Variants in TP73 observed in about 807,000 individuals in gnomAD.
The protein encoded by TP73 is tumor protein p73.
In TP73, 25 loss-of-function variants were observed where a neutral mutation model predicts 62.5. The ratio of observed to expected loss-of-function variants is 0.40; its 90% confidence interval spans 0.29 to 0.56. The LOEUF is 0.56. TP73 is among the 20% of genes least tolerant of loss of function. The pLI, the probability that TP73 is intolerant of heterozygous loss-of-function variation, is 0.46. For missense variants in TP73, 754 were observed against 913.3 expected (o/e 0.83, Z 2.25); for synonymous variants, 423 against 377.5 (o/e 1.12, Z -1.40).
intron 6 of TP73, among the ~76,000 whole-genome samples, chr1:3,726,579 G>GTGGA (rs541302550): frequency 1.4e-5 from 2 of 148,062 alleles, no homozygotes; most frequent in South Asian, 2.2e-4. Flanking sequence ...AAGTGGGGGA[G>GTGGA]TGGATGGATG....
At chr1:3,679,776 GTCTC>G (rs1273211663) in intron 1 of TP73, among the ~76,000 whole-genome samples, 3 of 139,316 alleles carry the variant, frequency 2.2e-5, no homozygotes, top group South Asian at 2.3e-4. Flanking sequence ...CTTTGTCCTT[GTCTC>G]TCTGTTTTGT....
intron 3 of TP73, among the ~76,000 whole-genome samples, chr1:3,688,718 G>A (rs1885871): frequency 0.027 from 4,087 of 152,278 alleles, 86 homozygotes; most frequent in East Asian, 0.067. Context: ...CAGTGGTTTT[G>A]GGTGCTTTTG....
chr1:3,663,473 T>C lies in TP73; in HGVS notation c.-34+10832T>C, dbSNP rs1247534770. On this transcript the variant is annotated intron_variant, in intron 1 of 13. Coordinates refer to ENST00000378295, the MANE Select transcript of TP73 (RefSeq NM_005427.4). The surrounding 1 kb of genome is among the most constrained non-coding windows in gnomAD (Gnocchi z 4.7). Reference sequence around the variant, plus strand: ...GCTCACGCCTGTAATCCCAGCACTTTGGGAGGCTGAGTCGGGCGGATCACT... The same window carrying C: ...GCTCACGCCTGTAATCCCAGCACTTCGGGAGGCTGAGTCGGGCGGATCACT... Among the ~76,000 whole-genome samples the C allele has an allele frequency of 6.6e-6, 1 of 151,946 alleles. No homozygotes were observed. Among genetic ancestry groups the C allele is most frequent in the Non-Finnish European group, 1.5e-5 (1 of 67,964 alleles).
At chr1:3,678,135 T>G (rs1364024076) in intron 1 of TP73, among the ~76,000 whole-genome samples, 1 of 152,268 alleles carries the variant, frequency 6.6e-6, no homozygotes, top group Non-Finnish European at 1.5e-5. Flanking sequence ...ATACACATGA[T>G]TTTTAAAACT....
intron 4 of TP73, 112 bp from the exon 5 acceptor site, chr1:3,721,909 G>C (rs1378282135): frequency 8.8e-7 from 1 of 1,132,814 alleles, no homozygotes; most frequent in East Asian, 2.6e-5. Context: ...TCTTCATCTG[G>C]GGGTTGTGGA....
chr1:3,734,457 C>T lies in TP73; in HGVS notation c.*1378C>T. ...TTGCAGGCAGGTGGGCCAATGGGAG[C>T]CCTCACCCACGCAAGCCGAGACACC... On this transcript the variant is annotated 3_prime_UTR_variant, in exon 14 of 14. Coordinates refer to ENST00000378295, the MANE Select transcript of TP73 (RefSeq NM_005427.4). The surrounding 1 kb of genome is among the most constrained non-coding windows in gnomAD (Gnocchi z 4.4). The T allele has an allele frequency of 6.6e-6, 1 of 152,326 alleles. No homozygotes were observed. Among genetic ancestry groups the T allele is most frequent in the Admixed American group, 6.5e-5 (1 of 15,294 alleles). 9.4% of individuals were successfully genotyped at this position (152,326 alleles called of 1,614,324 possible). A position where few individuals can be genotyped will look rare whatever the true frequency, so the allele number is the denominator to read the frequency against.
Position 3,699,069 on chromosome 1 carries a change from G to A in TP73, c.187-8480G>A, listed in dbSNP as rs1248941907. Among the ~76,000 whole-genome samples, 1 of 152,146 alleles carries A rather than the reference G, an allele frequency of 6.6e-6. No individual in the cohort carries two copies. Among genetic ancestry groups the A allele is most frequent in the Non-Finnish European group, 1.5e-5 (1 of 68,026 alleles). On this transcript the variant is annotated intron_variant, in intron 3 of 13. Transcript: ENST00000378295. This position sits in a 1 kb window ranked among gnomAD's most constrained non-coding sequence, Gnocchi z 4.1. ...GCTGTGGGTGAGAGCACAGGGTGCT[G>A]TGGGTGAGAGCAGAGGGTGCTGTGG...
At chr1:3,725,374 G>A (rs1641417311) in intron 6 of TP73, among the ~76,000 whole-genome samples, 1 of 149,904 alleles carries the variant, frequency 6.7e-6, no homozygotes, top group South Asian at 2.1e-4. Context: ...TGGGGTGAGT[G>A]GGTGGATGGG....
chr1:3,668,984 T>C (rs2102038760), intron 1 of TP73, among the ~76,000 whole-genome samples: 1 of 152,324 alleles, frequency 6.6e-6, no homozygotes, highest in Middle Eastern at 3.4e-3. Flanking sequence ...CTCCAGGCCA[T>C]GCTCCGCCCC....
At chr1:3,718,107 C>T (rs1304579641) in intron 4 of TP73, among the ~76,000 whole-genome samples, 1 of 152,172 alleles carries the variant, frequency 6.6e-6, no homozygotes, top group Non-Finnish European at 1.5e-5. Flanking sequence ...CCGTTCTAGG[C>T]CGCTCCACAC....
At chr1:3,720,009 G>A (rs564142398) in intron 4 of TP73, among the ~76,000 whole-genome samples, 11 of 151,370 alleles carry the variant, frequency 7.3e-5, no homozygotes, top group East Asian at 1.9e-4. Flanking sequence ...TCCACCTCCC[G>A]AGTTCAAGCG....
chr1:3,712,975 G>A (rs1640281729), intron 4 of TP73, among the ~76,000 whole-genome samples: 1 of 152,144 alleles, frequency 6.6e-6, no homozygotes, highest in Admixed American at 6.5e-5. Context: ...TGTGGGGCAG[G>A]TCCCTGTGAC....
At chr1:3,655,260 G>A (rs1358430475) in intron 1 of TP73, among the ~76,000 whole-genome samples, 1 of 152,162 alleles carries the variant, frequency 6.6e-6, no homozygotes, top group Non-Finnish European at 1.5e-5. Flanking sequence ...GGTGTCTGGT[G>A]CCTGTAGTCT....
chr1:3,680,457 C>G (rs1645493561), intron 1 of TP73, among the ~76,000 whole-genome samples: 1 of 152,168 alleles, frequency 6.6e-6, no homozygotes, highest in Admixed American at 6.5e-5. Context: ...GGATGCGACC[C>G]AGAGGCCTCT....
chr1:3,673,182 A>G (rs550287122), intron 1 of TP73, among the ~76,000 whole-genome samples: 1 of 152,310 alleles, frequency 6.6e-6, no homozygotes, highest in Non-Finnish European at 1.5e-5. Context: ...GTGCTCTGCA[A>G]AAGGGTGCGG....
chr1:3,706,692 AC>A (rs1639683427), intron 3 of TP73, among the ~76,000 whole-genome samples: 1 of 151,668 alleles, frequency 6.6e-6, no homozygotes, highest in African/African-American at 2.4e-5. Flanking sequence ...CCAGACCAGC[AC>A]CCCCTCCCTC....
intron 3 of TP73, among the ~76,000 whole-genome samples, chr1:3,684,944 C>T (rs947351322): frequency 1.3e-5 from 2 of 152,136 alleles, no homozygotes; most frequent in Admixed American, 6.5e-5. Context: ...ACAGTTCTGC[C>T]GGCTGCTCTC....
At chr1:3,686,012 T>C (rs1645646108) in intron 3 of TP73, among the ~76,000 whole-genome samples, 1 of 152,174 alleles carries the variant, frequency 6.6e-6, no homozygotes, top group Non-Finnish European at 1.5e-5. Context: ...TAGTCCTGAG[T>C]TCGTGGCTCA....
At chr1:3,691,411 C>T (rs761104755) in intron 3 of TP73, among the ~76,000 whole-genome samples, 1 of 152,080 alleles carries the variant, frequency 6.6e-6, no homozygotes, top group Non-Finnish European at 1.5e-5. Flanking sequence ...GGAATTTGCT[C>T]ATTTGACAGC....
Sources: gnomAD v4.1 joint callset for allele counts (sites outside exome capture counted in the v4.1 genomes callset) on GRCh38, gnomAD v4.1.1 for gene constraint, Gnocchi (gnomAD v3.1) non-coding constraint, MANE v1.5 for transcripts, NCBI Gene and HGNC (gene_info 2026-07-23, HGNC 2026-07-21) for gene names.